Variants in METTL22 observed in about 807,000 individuals in gnomAD.
The protein encoded by METTL22 is methyltransferase-like protein 22.
METTL22 carries 51 observed loss-of-function variants against 48.4 expected under a neutral mutation model. The ratio of observed to expected loss-of-function variants is 1.05; its 90% CI spans 0.84 to 1.33. The LOEUF (loss-of-function observed/expected upper bound fraction) is 1.33, where lower values mean the gene tolerates loss of function less well. METTL22 is among the 40% of genes most tolerant of loss of function. METTL22 has a pLI of 0.00. For missense variants in METTL22, 678 were observed against 526.9 expected (o/e 1.29, Z -2.81); for synonymous variants, 255 against 214.1 (o/e 1.19, Z -1.67).
At chr16:8,646,025 T>TGGCCTGCTCCG in intron 10 of METTL22, 83 bp from the exon 11 acceptor site, 4 of 1,599,012 alleles carry the variant, frequency 2.5e-6, no homozygotes, top group Non-Finnish European at 2.6e-6. Flanking sequence ...ACTACTCTCC[T>TGGCCTGCTCCG]TGGTGAATCA....
the METTL22 span, among the ~76,000 whole-genome samples, chr16:8,657,961 G>A: frequency 2.6e-5 from 4 of 152,066 alleles, no homozygotes; most frequent in South Asian, 2.1e-4. Flanking sequence ...GGATACAGGC[G>A]TGTGACGCCA....
At chr16:8,646,025 T>TAGCC in intron 10 of METTL22, 83 bp from the exon 11 acceptor site, 2 of 1,599,012 alleles carry the variant, frequency 1.3e-6, no homozygotes, top group South Asian at 1.1e-5. Context: ...ACTACTCTCC[T>TAGCC]TGGTGAATCA....
At chr16:8,635,791 C>T (rs1002542452) in intron 5 of METTL22, among the ~76,000 whole-genome samples, 4 of 152,164 alleles carry the variant, frequency 2.6e-5, no homozygotes, top group Admixed American at 6.5e-5. Flanking sequence ...GGTCACCTCC[C>T]GTGTGCCACT....
chr16:8,639,123 C>G lies in METTL22; in HGVS notation c.733C>G (p.Arg245Gly), dbSNP rs541007589. 6.2e-7 allele frequency: 1 copy of G among 1,613,906 alleles called. No homozygotes were observed. Among genetic ancestry groups the G allele is most frequent in the East Asian group, 2.2e-5 (1 of 44,870 alleles). ...VGADLLSMCQ[R>G]NIALNSHLAA... ...TGCAGATCTCTTGTCCATGTGCCAG[C>G]GAAACATTGCCCTCAACAGCCACCT... The change falls in exon 6 of 11, where the codon CGA becomes GGA. Residue 245 changes from arginine to glycine, a missense_variant. Arg to Gly is a moderately radical substitution (Grantham distance 125). Transcript: ENST00000381920.
At chr16:8,627,972 A>G (rs2056118993) in intron 2 of METTL22, among the ~76,000 whole-genome samples, 1 of 152,262 alleles carries the variant, frequency 6.6e-6, no homozygotes, top group East Asian at 1.9e-4. Flanking sequence ...TCCTGGGCTC[A>G]AGAAATCTTC....
rs1310017165 is a variant in METTL22 at position 8,648,002 on chromosome 16, C to A, written c.*1859C>A. The A allele has an allele frequency of 1.3e-5, 2 of 152,274 alleles. No individual in the cohort carries two copies. Among genetic ancestry groups the A allele is most frequent in the African/African-American group, 4.8e-5 (2 of 41,454 alleles). 9.4% of individuals were successfully genotyped at this position (152,274 alleles called of 1,614,324 possible). A position where few individuals can be genotyped will look rare whatever the true frequency, so the allele number is the denominator to read the frequency against. ...ATTCCCGCTGGAGCAGCAGCAGCATCTGTGGCATCACGTGGATGCTGGTTA... is the reference window on the plus strand; with the variant it reads ...ATTCCCGCTGGAGCAGCAGCAGCATATGTGGCATCACGTGGATGCTGGTTA... On this transcript the variant is annotated 3_prime_UTR_variant, in exon 11 of 11. Coordinates refer to ENST00000381920, the MANE Select transcript of METTL22 (RefSeq NM_024109.4).
Position 8,649,171 on chromosome 16 carries a change from C to G in METTL22, c.*3028C>G, listed in dbSNP as rs1016430088. The G allele has an allele frequency of 2.6e-5, 4 of 152,204 alleles. No individual in the cohort carries two copies. Among genetic ancestry groups the G allele is most frequent in the African/African-American group, 9.7e-5 (4 of 41,442 alleles). The allele number at this position is 152,204 out of a possible 1,614,324, so 9.4% of individuals were successfully genotyped here. Reference sequence around the variant, plus strand: ...CTTTCACCTGCCGCATTAGGGCAAACTGCTTTTATGTCTAAACCACTGGGC... The same window carrying G: ...CTTTCACCTGCCGCATTAGGGCAAAGTGCTTTTATGTCTAAACCACTGGGC... On this transcript the variant is annotated 3_prime_UTR_variant, in exon 11 of 11. Coordinates refer to ENST00000381920, the MANE Select transcript of METTL22 (RefSeq NM_024109.4).
chr16:8,639,871 G>A (rs1228770119), intron 6 of METTL22, among the ~76,000 whole-genome samples: 2 of 151,996 alleles, frequency 1.3e-5, no homozygotes, highest in Non-Finnish European at 2.9e-5. Context: ...TCTGGCCCCT[G>A]TCTGTCTGCA....
chr16:8,629,598 C>T (rs2056185492), intron 3 of METTL22, among the ~76,000 whole-genome samples: 1 of 152,036 alleles, frequency 6.6e-6, no homozygotes, highest in Non-Finnish European at 1.5e-5. Context: ...GTGGACCAGT[C>T]AGATGGACTG....
At chr16:8,661,603 C>G in the METTL22 span, among the ~76,000 whole-genome samples, 1 of 132,008 alleles carries the variant, frequency 7.6e-6, no homozygotes, top group East Asian at 2.1e-4. Flanking sequence ...CGAGATTGAG[C>G]CACTGCACTC....
chr16:8,622,808 A>C (rs1280538619), intron 1 of METTL22, among the ~76,000 whole-genome samples: 5 of 152,256 alleles, frequency 3.3e-5, no homozygotes, highest in Admixed American at 6.5e-5. Flanking sequence ...AAGCCACTTA[A>C]AGGGAATCTC....
At position 8,629,077 on chromosome 16, in the gene METTL22, G is replaced by A; in HGVS notation, c.481G>A (p.Ala161Thr). 6.2e-7 allele frequency: 1 copy of A among 1,613,680 alleles called. No homozygotes were observed. Reference protein sequence around the residue: ...QEEDDVLGEEAQGSPHDIIRI... With the variant: ...QEEDDVLGEETQGSPHDIIRI... ...AGAAGACGACGTCCTGGGAGAGGAAGCACAAGGCAGCCCGCACGATATCAT... is the reference window on the plus strand; with the variant it reads ...AGAAGACGACGTCCTGGGAGAGGAAACACAAGGCAGCCCGCACGATATCAT... The change falls in exon 3 of 11, where the codon GCA (alanine) becomes ACA (threonine). Residue 161 changes from alanine to threonine, a missense_variant. By Grantham distance (58) the Ala-to-Thr change is moderately conservative. Coordinates refer to ENST00000381920, the MANE Select transcript of METTL22 (RefSeq NM_024109.4).
At chr16:8,635,720 T>C (rs1324160299) in intron 5 of METTL22, among the ~76,000 whole-genome samples, 1 of 152,206 alleles carries the variant, frequency 6.6e-6, no homozygotes, top group African/African-American at 2.4e-5. Flanking sequence ...TTTAAAACAG[T>C]ACATAAAAAT....
intron 1 of METTL22, among the ~76,000 whole-genome samples, chr16:8,625,036 C>G (rs2055997680): frequency 6.6e-6 from 1 of 151,886 alleles, no homozygotes. Context: ...GAAAAAAAAC[C>G]TCAAAGACCT....
At chr16:8,664,965 A>G in the METTL22 span, among the ~76,000 whole-genome samples, 18 of 152,082 alleles carry the variant, frequency 1.2e-4, no homozygotes, top group African/African-American at 3.6e-4. Flanking sequence ...AAAGGCACAG[A>G]AACTGAGGGT....
chr16:8,626,137 C>T (rs1001241449), intron 2 of METTL22, among the ~76,000 whole-genome samples: 2 of 152,150 alleles, frequency 1.3e-5, no homozygotes, highest in African/African-American at 4.8e-5. Context: ...GCTGAGACTA[C>T]AGGCTCACAT....
At chr16:8,643,316 A>T (rs926138810) in intron 9 of METTL22, among the ~76,000 whole-genome samples, 5 of 152,270 alleles carry the variant, frequency 3.3e-5, no homozygotes, top group Admixed American at 3.3e-4. Context: ...AGCAATGTAC[A>T]GACCTCATTT....
chr16:8,637,019 C>G (rs188334514), intron 5 of METTL22, among the ~76,000 whole-genome samples: 1 of 152,210 alleles, frequency 6.6e-6, no homozygotes, highest in East Asian at 1.9e-4. Context: ...AAACTCCTAA[C>G]GTGCCAGAGT....
intron 10 of METTL22, among the ~76,000 whole-genome samples, chr16:8,645,698 C>G (rs925624258): frequency 6.6e-6 from 1 of 152,150 alleles, no homozygotes. Context: ...ATTGCTTGAG[C>G]CCAGAAGTTC....
Sources: gnomAD v4.1 joint callset for allele counts (sites outside exome capture counted in the v4.1 genomes callset) on GRCh38, gnomAD v4.1.1 for gene constraint, MANE v1.5 for transcripts, NCBI Gene and HGNC (gene_info 2026-07-23, HGNC 2026-07-21) for gene names.